The following WDR72 variants were observed in gnomAD, a reference collection of about 807,000 sequenced individuals.
The protein encoded by WDR72 is WD repeat domain 72, also known as WD repeat-containing protein 72.
WDR72 carries 120 observed loss-of-function variants against 124.2 expected under a neutral mutation model. The observed-to-expected ratio is 0.97, with a 90% confidence interval of 0.83 to 1.12. The LOEUF is 1.12. Among genes scored for constraint, WDR72 ranks in the 50% most tolerant of loss-of-function variants. WDR72 has a pLI of 0.00. For missense variants in WDR72, 1,387 were observed against 1,278.8 expected, an observed-to-expected ratio of 1.08 and a Z score of -1.29; for synonymous variants, 452 against 441.7, an observed-to-expected ratio of 1.02 and a Z score of -0.29.
chr15:53,743,097 T>C (rs1358320317), intron 1 of WDR72, among the ~76,000 whole-genome samples: 4 of 152,064 alleles, frequency 2.6e-5, no homozygotes, highest in African/African-American at 4.8e-5. Flanking sequence ...ACAATGTAAA[T>C]GAATTACTTG....
chr15:53,739,959 C>T (rs554860739), intron 1 of WDR72, among the ~76,000 whole-genome samples: 16 of 152,172 alleles, frequency 1.1e-4, no homozygotes, highest in African/African-American at 3.9e-4. Flanking sequence ...CTGAGTAGAA[C>T]AGTAGGAGAA....
chr15:53,731,325 T>C (rs1297799731), intron 2 of WDR72, among the ~76,000 whole-genome samples: 1 of 152,026 alleles, frequency 6.6e-6, no homozygotes, highest in Non-Finnish European at 1.5e-5. Flanking sequence ...GTCTCCTTAA[T>C]GTAGAATAAC....
At chr15:53,638,134 G>C (rs2014695548) in intron 14 of WDR72, among the ~76,000 whole-genome samples, 1 of 152,130 alleles carries the variant, frequency 6.6e-6, no homozygotes, top group Non-Finnish European at 1.5e-5. Flanking sequence ...ATAAACTTCA[G>C]CTTTACTATC....
intron 13 of WDR72, among the ~76,000 whole-genome samples, chr15:53,681,779 T>C (rs1223092617): frequency 1.3e-5 from 2 of 152,190 alleles, no homozygotes; most frequent in East Asian, 3.9e-4. Flanking sequence ...GCCTAATATA[T>C]ATTAAGATGC....
At chr15:53,743,115 T>C (rs1477052147) in intron 1 of WDR72, among the ~76,000 whole-genome samples, 3 of 152,110 alleles carry the variant, frequency 2.0e-5, no homozygotes, top group Admixed American at 6.5e-5. Flanking sequence ...TTGCTAGTTA[T>C]GTAGTTGCAT....
intron 14 of WDR72, among the ~76,000 whole-genome samples, chr15:53,621,379 C>T (rs113928363): frequency 0.014 from 2,077 of 147,798 alleles, 55 homozygotes; most frequent in African/African-American, 0.05. Context: ...ATTGCAAAAA[C>T]GTGGAACCAA....
intron 18 of WDR72, among the ~76,000 whole-genome samples, chr15:53,563,668 A>G (rs891910145): frequency 6.6e-6 from 1 of 151,678 alleles, no homozygotes; most frequent in Admixed American, 6.6e-5. Flanking sequence ...ATGGAACACA[A>G]TTTTTAAGAT....
chr15:53,673,401 C>T (rs1016991782), intron 13 of WDR72, among the ~76,000 whole-genome samples: 17 of 152,246 alleles, frequency 1.1e-4, no homozygotes, highest in African/African-American at 3.9e-4. Context: ...CAACATCACC[C>T]AGATGGATTA....
intron 18 of WDR72, among the ~76,000 whole-genome samples, chr15:53,585,245 A>T (rs2012139829): frequency 1.3e-5 from 2 of 152,044 alleles, no homozygotes; most frequent in South Asian, 4.1e-4. Context: ...AACATGGCAG[A>T]AAGTGAAGGG....
intron 18 of WDR72, among the ~76,000 whole-genome samples, chr15:53,561,847 T>C (rs1894134268): frequency 6.6e-6 from 1 of 151,780 alleles, no homozygotes; most frequent in African/African-American, 2.4e-5. Context: ...TTTTAAAAGC[T>C]CCCCAGGTAA....
rs576846076 is a variant in WDR72 at position 53,604,635 on chromosome 15, G to GA, written c.2952+4877dup. The stretch of plus-strand genomic sequence containing the variant: ...ACAAAGAACTTAAACAAATTTACAA[G>GA]AAAAAAAACTCTATTAAAACATGGG... On this transcript the variant is annotated intron_variant, in intron 17 of 19. Coordinates refer to ENST00000360509, the MANE Select transcript of WDR72 (RefSeq NM_182758.4). Among the ~76,000 whole-genome samples, 20 of 151,648 alleles carry GA rather than the reference G, an allele frequency of 1.3e-4. 1 individual carries two copies. Among genetic ancestry groups the GA allele is most frequent in the African/African-American group, 3.9e-4 (16 of 41,380 alleles).
intron 18 of WDR72, among the ~76,000 whole-genome samples, chr15:53,595,693 A>G (rs1316126794): frequency 6.6e-6 from 1 of 152,136 alleles, no homozygotes; most frequent in African/African-American, 2.4e-5. Context: ...GCAGCCCTCC[A>G]TATGTGTCAA....
chr15:53,716,857 T>C (rs1479535743), intron 3 of WDR72, among the ~76,000 whole-genome samples, 172 bp from the exon 4 acceptor site: 1 of 152,200 alleles, frequency 6.6e-6, no homozygotes, highest in Non-Finnish European at 1.5e-5. Flanking sequence ...ACTGTATCTG[T>C]ATCTTTTTGT....
At chr15:53,731,761 C>T (rs1311915733) in intron 2 of WDR72, among the ~76,000 whole-genome samples, 4 of 152,044 alleles carry the variant, frequency 2.6e-5, no homozygotes, top group African/African-American at 9.7e-5. Flanking sequence ...GGGCAGCCAG[C>T]ACCAGGTCTT....
At position 53,675,355 on chromosome 15, in the gene WDR72, A is replaced by G. The variant is rs1741035348; in HGVS notation, c.1766-9587T>C. 2.6e-5 allele frequency among the ~76,000 whole-genome samples: 4 copies of G among 152,080 alleles called. No homozygotes were observed. In the South Asian group the frequency reaches 8.3e-4, roughly 31 times the overall value. ...AGACTCTGTCTCAAAAAAAAAAAAA[A>G]AAATCTACTATGACTAATTTTTAAT... On this transcript the variant is annotated intron_variant, in intron 13 of 19. Transcript: ENST00000360509.
chr15:53,648,955 A>C (rs2015139998), intron 14 of WDR72, among the ~76,000 whole-genome samples: 1 of 148,524 alleles, frequency 6.7e-6, no homozygotes, highest in Non-Finnish European at 1.5e-5. Flanking sequence ...AGGGCTCCCA[A>C]ATTGAGCAAA....
chr15:53,604,179 C>T (rs1197535195), intron 17 of WDR72, among the ~76,000 whole-genome samples: 1 of 152,054 alleles, frequency 6.6e-6, no homozygotes, highest in Non-Finnish European at 1.5e-5. Context: ...TAAGATCACA[C>T]ACCTAAAACT....
intron 3 of WDR72, 70 bp downstream of exon 3, chr15:53,722,732 T>G: frequency 7.4e-7 from 1 of 1,351,722 alleles, no homozygotes. Context: ...GCCCTAAAAT[T>G]GTATTCCATT....
At chr15:53,668,828 C>T (rs1181329973) in intron 13 of WDR72, among the ~76,000 whole-genome samples, 1 of 148,640 alleles carries the variant, frequency 6.7e-6, no homozygotes, top group Non-Finnish European at 1.5e-5. Flanking sequence ...ATCACTTGAG[C>T]CAGAAAGTCG....
Sources: allele counts gnomAD v4.1 joint callset (sites outside exome capture counted in the v4.1 genomes callset), GRCh38; gene constraint gnomAD v4.1.1; transcripts MANE v1.5; gene names NCBI Gene and HGNC (gene_info 2026-07-23, HGNC 2026-07-21).